RBFOX1: variants seen among roughly 807,000 people sequenced by gnomAD.
RBFOX1 encodes RNA binding protein fox-1 homolog 1.
In RBFOX1, 8 loss-of-function variants were observed where a neutral mutation model predicts 57.7. That is an observed-to-expected ratio of 0.14 (90% CI 0.08 to 0.25). The LOEUF (loss-of-function observed/expected upper bound fraction) is 0.25, where lower values mean the gene tolerates loss of function less well. RBFOX1 is among the 10% of genes least tolerant of loss of function. The probability of loss-of-function intolerance (pLI) is 1.00; values close to 1 mark genes in which losing one functional copy is unlikely to be tolerated. For missense variants in RBFOX1, 611 were observed against 548.5 expected (o/e 1.11, Z -1.14); for synonymous variants, 326 against 222.4 (o/e 1.47, Z -4.15).
chr16:7,238,093 C>G (rs537007030), intron 4 of RBFOX1, among the ~76,000 whole-genome samples: 2 of 152,266 alleles, frequency 1.3e-5, no homozygotes, highest in African/African-American at 2.4e-5. Flanking sequence ...CACAAAAGAA[C>G]AAATATTGCA....
intron 4 of RBFOX1, among the ~76,000 whole-genome samples, chr16:5,975,415 C>G (rs2060042098): frequency 6.6e-6 from 1 of 152,170 alleles, no homozygotes. Flanking sequence ...TGCTACATTA[C>G]TCAAAAGCTC....
intron 1 of RBFOX1, among the ~76,000 whole-genome samples, chr16:6,145,950 T>G (rs559693334): frequency 6.6e-6 from 1 of 152,302 alleles, no homozygotes; most frequent in Admixed American, 6.5e-5. Context: ...AATCCAGCTC[T>G]ATACTCTCCC....
At chr16:6,692,434 G>A (rs2060333759) in intron 3 of RBFOX1, among the ~76,000 whole-genome samples, 1 of 152,036 alleles carries the variant, frequency 6.6e-6, no homozygotes, top group Non-Finnish European at 1.5e-5. Flanking sequence ...CTCATCACTG[G>A]TACATTATTC....
At chr16:5,555,162 A>G (rs1332114848) in intron 2 of RBFOX1, among the ~76,000 whole-genome samples, 1 of 152,192 alleles carries the variant, frequency 6.6e-6, no homozygotes, top group Non-Finnish European at 1.5e-5. Flanking sequence ...ACCCTCCGCT[A>G]TGGATGTTGG....
intron 1 of RBFOX1, among the ~76,000 whole-genome samples, chr16:6,219,880 AAAAC>A (rs1479001385): frequency 5.3e-5 from 8 of 152,158 alleles, no homozygotes; most frequent in East Asian, 1.9e-4. Flanking sequence ...GCATGTCAAA[AAAAC>A]AAACAAACAA....
At chr16:5,479,478 G>C (rs2069446527) in intron 2 of RBFOX1, among the ~76,000 whole-genome samples, 6 of 152,160 alleles carry the variant, frequency 3.9e-5, no homozygotes, top group Admixed American at 3.9e-4. Flanking sequence ...TTTCTCCCCG[G>C]CCAGGCATGG....
rs550770768 is a variant in RBFOX1 at position 5,314,692 on chromosome 16, G to T, written c.219+74587G>T. On this transcript the variant is annotated intron_variant, in intron 1 of 2. Coordinates refer to the RBFOX1 transcript ENST00000585867. ...ATTTTTTCATTTTTTGTAGAGACAC[G>T]GTCTTGTTATGTTGCCTAGGCTGGC... Among the ~76,000 whole-genome samples, 432 of 151,896 alleles carry T rather than the reference G, an allele frequency of 2.8e-3. 1 individual carries two copies. The highest frequency in any genetic ancestry group is 5.0e-3 in the Non-Finnish European group (339 of 67,946).
chr16:7,057,329 C>T (rs571006067), intron 4 of RBFOX1, among the ~76,000 whole-genome samples: 2 of 152,280 alleles, frequency 1.3e-5, no homozygotes, highest in South Asian at 4.1e-4. Flanking sequence ...GCAACCAGGC[C>T]TCCCAGGAAT....
intron 4 of RBFOX1, among the ~76,000 whole-genome samples, chr16:7,293,222 A>G (rs2095828407): frequency 1.3e-5 from 2 of 152,294 alleles, no homozygotes; most frequent in Admixed American, 6.5e-5. Context: ...CCTTGTCATT[A>G]TTCCCTAAAC....
At chr16:7,296,256 C>T (rs983130852) in intron 4 of RBFOX1, among the ~76,000 whole-genome samples, 2 of 133,904 alleles carry the variant, frequency 1.5e-5, no homozygotes, top group African/African-American at 5.9e-5. Flanking sequence ...AGATTATGTC[C>T]TCCTTTTTTT....
At position 5,466,256 on chromosome 16, in the gene RBFOX1, G is replaced by A. The variant is rs8048259; in HGVS notation, c.220-960G>A. Among the ~76,000 whole-genome samples the A allele has an allele frequency of 1.5e-3, 228 of 152,340 alleles. 2 individuals are homozygous for A. Among genetic ancestry groups the A allele is most frequent in the Admixed American group, 2.7e-3 (42 of 15,306 alleles). Reference sequence around the variant, plus strand: ...GGCCCTCAGATTCATGTTCCATACAGTGTCTGTGCAGTGGGCCCTTGCCAT... The same window carrying A: ...GGCCCTCAGATTCATGTTCCATACAATGTCTGTGCAGTGGGCCCTTGCCAT... On this transcript the variant is annotated intron_variant, in intron 1 of 2. Transcript: ENST00000585867.
chr16:6,859,254 C>CTTTATAAAAATTTATTTTTATAAAGTCA (rs1403379940), intron 3 of RBFOX1, among the ~76,000 whole-genome samples: 3 of 147,942 alleles, frequency 2.0e-5, no homozygotes, highest in Non-Finnish European at 3.0e-5. Context: ...GATTCTGACT[C>CTTTATAAAAATTTATTTTTATAAAGTCA]TTTATAAAAA....
intron 2 of RBFOX1, among the ~76,000 whole-genome samples, chr16:6,340,370 A>T (rs1157350689): frequency 6.6e-6 from 1 of 152,216 alleles, no homozygotes; most frequent in African/African-American, 2.4e-5. Context: ...TTGGATCTCA[A>T]GCAAGAAGTA....
At chr16:5,889,678 C>T (rs2057998097) in intron 4 of RBFOX1, among the ~76,000 whole-genome samples, 2 of 152,190 alleles carry the variant, frequency 1.3e-5, no homozygotes, top group Admixed American at 1.3e-4. Context: ...TAACCAAAAG[C>T]CAACGTGGAG....
At chr16:5,664,472 G>C (rs904418897) in intron 3 of RBFOX1, among the ~76,000 whole-genome samples, 1 of 152,076 alleles carries the variant, frequency 6.6e-6, no homozygotes, top group Middle Eastern at 3.2e-3. Flanking sequence ...AATTGAACCC[G>C]GGAGGCGGAG....
intron 3 of RBFOX1, among the ~76,000 whole-genome samples, chr16:7,041,790 C>T (rs144306471): frequency 8.3e-4 from 127 of 152,302 alleles, no homozygotes; most frequent in African/African-American, 2.9e-3. Context: ...TGAAAACCTC[C>T]TGTGTCATTA....
chr16:6,127,309 G>T (rs1358121954), intron 1 of RBFOX1, among the ~76,000 whole-genome samples: 4 of 151,080 alleles, frequency 2.6e-5, no homozygotes, highest in Non-Finnish European at 4.4e-5. Flanking sequence ...TTGTTTTCCA[G>T]TATTGTTTTT....
At chr16:6,421,688 A>C (rs59456791) in intron 2 of RBFOX1, among the ~76,000 whole-genome samples, 2,069 of 152,242 alleles carry the variant, frequency 0.014, 49 homozygotes, top group African/African-American at 0.046. Flanking sequence ...CACACACACA[A>C]AAAATGATCG....
At chr16:5,662,037 C>T (rs1049365374) in intron 3 of RBFOX1, among the ~76,000 whole-genome samples, 7 of 152,094 alleles carry the variant, frequency 4.6e-5, no homozygotes, top group African/African-American at 9.7e-5. Context: ...CCACTCACCT[C>T]GGCCTCCCAA....
Sources: allele counts gnomAD v4.1 joint callset (sites outside exome capture counted in the v4.1 genomes callset), GRCh38; gene constraint gnomAD v4.1.1; transcripts MANE v1.5; gene names NCBI Gene and HGNC (gene_info 2026-07-23, HGNC 2026-07-21).